Variants in PTCHD4 observed in about 807,000 individuals in gnomAD.
PTCHD4 encodes patched domain-containing protein 4.
PTCHD4 carries 33 observed loss-of-function variants against 58.1 expected under a neutral mutation model. The ratio of observed to expected loss-of-function variants is 0.57; its 90% CI spans 0.43 to 0.76. The LOEUF (loss-of-function observed/expected upper bound fraction) is 0.76. Ranked by LOEUF, PTCHD4 falls within the 30% of genes least tolerant of loss-of-function variation. The pLI is 0.00. For synonymous variants in PTCHD4, 478 were observed against 409.6 expected (o/e 1.17, Z -2.02); for missense variants, 1,058 against 1,027.1 (o/e 1.03, Z -0.41).
chr6:47,967,233 G>A (rs1417564130), intron 4 of PTCHD4, among the ~76,000 whole-genome samples: 1 of 152,098 alleles, frequency 6.6e-6, no homozygotes, highest in African/African-American at 2.4e-5. Flanking sequence ...AGAGCTCTTG[G>A]GTAACCAGAC....
intron 4 of PTCHD4, among the ~76,000 whole-genome samples, chr6:47,953,299 T>A (rs1056022970): frequency 4.6e-5 from 7 of 152,158 alleles, no homozygotes; most frequent in Admixed American, 2.6e-4. Flanking sequence ...CTGAATTTTT[T>A]AAAAAGTTAA....
At chr6:47,926,490 C>T (rs1765619566) in intron 4 of PTCHD4, among the ~76,000 whole-genome samples, 1 of 152,092 alleles carries the variant, frequency 6.6e-6, no homozygotes. Flanking sequence ...ATCAGCTTGA[C>T]CTGGGATTGT....
intron 1 of PTCHD4, among the ~76,000 whole-genome samples, chr6:48,079,057 G>C (rs1158922534): frequency 6.7e-6 from 1 of 150,224 alleles, no homozygotes; most frequent in Non-Finnish European, 1.5e-5. Context: ...GGCGGAGCTT[G>C]CAGTGAGTCG....
chr6:47,881,005 A>G (rs1764006412), intron 4 of PTCHD4, among the ~76,000 whole-genome samples: 1 of 152,040 alleles, frequency 6.6e-6, no homozygotes, highest in African/African-American at 2.4e-5. Context: ...TTCATAGATC[A>G]CTCTTGCCCT....
At chr6:47,988,275 A>G (rs1768151647) in intron 4 of PTCHD4, among the ~76,000 whole-genome samples, 1 of 152,218 alleles carries the variant, frequency 6.6e-6, no homozygotes, top group Non-Finnish European at 1.5e-5. Context: ...GCTGATACAA[A>G]CACATAGCCA....
intron 4 of PTCHD4, among the ~76,000 whole-genome samples, chr6:47,885,473 G>T (rs550698286): frequency 8.6e-5 from 13 of 151,810 alleles, no homozygotes; most frequent in African/African-American, 3.1e-4. Context: ...GATCATGAAG[G>T]TTCTTCATGG....
chr6:47,884,544 A>G (rs143681470), intron 4 of PTCHD4, among the ~76,000 whole-genome samples: 79 of 152,358 alleles, frequency 5.2e-4, no homozygotes, highest in African/African-American at 1.8e-3. Flanking sequence ...CATGGATCAC[A>G]TATAAATGTG....
Position 47,888,097 on chromosome 6 carries a change from C to T in PTCHD4, c.899-8161G>A, listed in dbSNP as rs1394522644. On this transcript the variant is annotated intron_variant, in intron 4 of 4. Coordinates refer to ENST00000339488, the MANE Select transcript of PTCHD4 (RefSeq NM_001384253.1). ...GTAGGGACGGGCATGGTGGATCAAG[C>T]CTGTAATCCCAGTACTTTGGGAGGC... Among the ~76,000 whole-genome samples, 6 of 152,154 alleles carry T rather than the reference C, an allele frequency of 3.9e-5. No homozygotes were observed. In the East Asian group the frequency reaches 1.2e-3, roughly 29 times the overall value.
Position 48,008,609 on chromosome 6 carries a change from G to A in PTCHD4, c.898+25C>T, listed in dbSNP as rs746399203. 45 of 1,601,066 alleles carry A rather than the reference G, an allele frequency of 2.8e-5. No individual in the cohort carries two copies. In the Admixed American group the frequency reaches 3.1e-4, roughly 11 times the overall value. On this transcript the variant is annotated intron_variant, in intron 4 of 4. Coordinates refer to ENST00000339488, the MANE Select transcript of PTCHD4 (RefSeq NM_001384253.1). ...CCTTGCCCCAAACCGGTAAGAATCC[G>A]ATTACCACAAGGATGGATAGTTACC...
At position 47,872,850 on chromosome 6, in the gene PTCHD4, C is replaced by T. The variant is rs1282703615; in HGVS notation, c.*5453G>A. Among the ~76,000 whole-genome samples the T allele has an allele frequency of 1.3e-5, 2 of 151,268 alleles. No individual in the cohort carries two copies. The highest frequency in any genetic ancestry group is 3.0e-5 in the Non-Finnish European group (2 of 67,680). The stretch of plus-strand genomic sequence containing the variant: ...GTTATACTATAAATATATTCTTAAC[C>T]CTATATATTGCTCTTTTGAGTTGTT... On this transcript the variant is annotated 3_prime_UTR_variant, in exon 5 of 5. Coordinates refer to ENST00000339488, the MANE Select transcript of PTCHD4 (RefSeq NM_001384253.1).
intron 3 of PTCHD4, among the ~76,000 whole-genome samples, chr6:48,063,002 C>T (rs1764683209): frequency 6.6e-6 from 1 of 152,152 alleles, no homozygotes; most frequent in Admixed American, 6.5e-5. Context: ...CTAACCAGTA[C>T]AGAAACCTAG....
Position 48,039,495 on chromosome 6 carries a change from G to A in PTCHD4, c.417+28735C>T, listed in dbSNP as rs111649987. ...GGGACAGATGCCAGAGAGATACTGA[G>A]CTACTGGCAGTGATTTATGTTTTAA... On this transcript the variant is annotated intron_variant, in intron 3 of 4. Transcript: ENST00000339488. Among the ~76,000 whole-genome samples the A allele has an allele frequency of 4.8e-3, 728 of 152,168 alleles. 1 individual carries two copies. Among genetic ancestry groups the A allele is most frequent in the Non-Finnish European group, 6.9e-3 (471 of 67,996 alleles).
At position 47,861,392 on chromosome 6, in the gene PTCHD4, G is replaced by A. The variant is rs1358600168; in HGVS notation, c.*16911C>T. 6.6e-6 allele frequency among the ~76,000 whole-genome samples: 1 copy of A among 151,886 alleles called. No individual in the cohort carries two copies. The highest frequency in any genetic ancestry group is 1.5e-5 in the Non-Finnish European group (1 of 67,908). ...TTATTTCTTTTGGGTAAAATTATGA[G>A]TTTGGGAACCTATTTACACTTACAT... On this transcript the variant is annotated 3_prime_UTR_variant, in exon 5 of 5. Transcript: ENST00000339488.
chr6:47,889,182 A>C (rs1206217679), intron 4 of PTCHD4, among the ~76,000 whole-genome samples: 1 of 65,992 alleles, frequency 1.5e-5, no homozygotes, highest in Non-Finnish European at 3.2e-5. Context: ...CAGTAATGGG[A>C]TGGCTGGGTC....
chr6:48,054,576 T>C (rs915129546), intron 3 of PTCHD4, among the ~76,000 whole-genome samples: 4 of 152,152 alleles, frequency 2.6e-5, no homozygotes, highest in African/African-American at 9.7e-5. Flanking sequence ...CTGTTAAGGA[T>C]TGTAAAATTC....
intron 3 of PTCHD4, among the ~76,000 whole-genome samples, chr6:48,063,718 A>G (rs200391874): frequency 4.6e-5 from 7 of 152,322 alleles, no homozygotes; most frequent in East Asian, 1.9e-4. Flanking sequence ...TACAAACTGA[A>G]CATTCAGTAA....
At chr6:48,094,111 C>T (rs903292225) in intron 1 of PTCHD4, among the ~76,000 whole-genome samples, 1 of 151,970 alleles carries the variant, frequency 6.6e-6, no homozygotes, top group African/African-American at 2.4e-5. Flanking sequence ...CAAAGTGATT[C>T]TAGAAAAAAT....
chr6:47,903,131 A>T (rs1333781572), intron 4 of PTCHD4, among the ~76,000 whole-genome samples: 1 of 152,224 alleles, frequency 6.6e-6, no homozygotes, highest in Non-Finnish European at 1.5e-5. Context: ...ACTCTGAAGT[A>T]TTCTTAATTT....
chr6:48,007,936 G>GCACACACACA (rs10554552), intron 4 of PTCHD4, among the ~76,000 whole-genome samples: 7 of 150,354 alleles, frequency 4.7e-5, no homozygotes, highest in African/African-American at 1.5e-4. Flanking sequence ...GTGCGCGCGC[G>GCACACACACA]CACACACACA....
Sources: allele counts gnomAD v4.1 joint callset (sites outside exome capture counted in the v4.1 genomes callset), GRCh38; gene constraint gnomAD v4.1.1; transcripts MANE v1.5; gene names NCBI Gene and HGNC (gene_info 2026-07-23, HGNC 2026-07-21).